DCAF8L2: variants seen among roughly 807,000 people sequenced by gnomAD.
DCAF8L2 encodes DDB1 and CUL4 associated factor 8 like 2.
For missense variants in DCAF8L2, 430 were observed against 490.7 expected (o/e 0.88, Z 1.17); for synonymous variants, 200 against 190.9 (o/e 1.05, Z -0.39).
intron 1 of DCAF8L2, among the ~76,000 whole-genome samples, chrX:27,592,134 G>T (rs903817169): frequency 4.4e-5 from 5 of 112,444 alleles, no homozygotes; most frequent in Non-Finnish European, 7.5e-5. Context: ...AGGAGGAGTA[G>T]CGCCTGCTGC....
At chrX:27,573,177 C>A in the DCAF8L2 span, among the ~76,000 whole-genome samples, 511 of 109,706 alleles carry the variant, frequency 4.7e-3, 5 homozygotes, top group African/African-American at 0.016. Context: ...TGGTTGATAT[C>A]TGTACTCTTT....
At chrX:27,510,456 G>T in the DCAF8L2 span, among the ~76,000 whole-genome samples, 1 of 105,859 alleles carries the variant, frequency 9.4e-6, no homozygotes, top group African/African-American at 3.5e-5. Context: ...AGAATAAAAA[G>T]GAAGGATTTT....
intron 3 of DCAF8L2, among the ~76,000 whole-genome samples, chrX:27,704,781 A>G (rs1931285173): frequency 9.0e-6 from 1 of 111,565 alleles, no homozygotes; most frequent in Non-Finnish European, 1.9e-5. Context: ...AAATATATGC[A>G]ATAAAATAAA....
At chrX:27,706,598 T>C (rs1931354604) in intron 3 of DCAF8L2, among the ~76,000 whole-genome samples, 2 of 111,769 alleles carry the variant, frequency 1.8e-5, no homozygotes, top group African/African-American at 3.3e-5. Context: ...TCACACCCAC[T>C]AGGATGGCTA....
At chrX:27,482,802 TCTTTC>T in the DCAF8L2 span, among the ~76,000 whole-genome samples, 1 of 111,892 alleles carries the variant, frequency 8.9e-6, no homozygotes, top group African/African-American at 3.2e-5. Flanking sequence ...AACTCTTTTC[TCTTTC>T]CTTTATGTCA....
chrX:27,570,366 G>A, the DCAF8L2 span, among the ~76,000 whole-genome samples: 1 of 111,721 alleles, frequency 9.0e-6, no homozygotes, highest in African/African-American at 3.3e-5. Context: ...TCAGTATTGA[G>A]TGAGGAGAGG....
chrX:27,687,688 CA>C (rs1306774839), intron 3 of DCAF8L2, among the ~76,000 whole-genome samples: 5 of 110,818 alleles, frequency 4.5e-5, no homozygotes, highest in Admixed American at 1.9e-4. Flanking sequence ...ATCCCGTCTA[CA>C]AAAAAAGTTT....
At chrX:27,549,152 T>C in the DCAF8L2 span, among the ~76,000 whole-genome samples, 23 of 111,530 alleles carry the variant, frequency 2.1e-4, no homozygotes, top group African/African-American at 7.2e-4. Context: ...TAGTGGCAAT[T>C]GCATGAATTA....
intron 1 of DCAF8L2, among the ~76,000 whole-genome samples, chrX:27,592,231 G>A (rs1443114213): frequency 9.0e-6 from 1 of 111,696 alleles, no homozygotes; most frequent in Non-Finnish European, 1.9e-5. Context: ...TAGTACCTGG[G>A]CCTCAGCTCT....
chrX:27,545,857 T>C, the DCAF8L2 span, among the ~76,000 whole-genome samples: 1 of 111,371 alleles, frequency 9.0e-6, no homozygotes, highest in East Asian at 2.8e-4. Context: ...AAACTACCAT[T>C]TATAAAACCA....
At chrX:27,638,445 C>T (rs761093303) in intron 2 of DCAF8L2, among the ~76,000 whole-genome samples, 22 of 111,751 alleles carry the variant, frequency 2.0e-4, no homozygotes, top group South Asian at 1.5e-3. Flanking sequence ...ACCGACACTT[C>T]CCAATTATTT....
At chrX:27,492,957 T>A in the DCAF8L2 span, among the ~76,000 whole-genome samples, 4 of 112,100 alleles carry the variant, frequency 3.6e-5, no homozygotes, top group African/African-American at 9.7e-5. Context: ...TTAGGCCAGG[T>A]GCAGTGTCTC....
chrX:27,599,299 A>G (rs1010257398), intron 1 of DCAF8L2, among the ~76,000 whole-genome samples: 3 of 111,566 alleles, frequency 2.7e-5, no homozygotes, highest in African/African-American at 9.8e-5. Flanking sequence ...TTCCACCTAT[A>G]TGAGGTATCT....
chrX:27,614,264 T>C (rs1176282227), intron 1 of DCAF8L2, among the ~76,000 whole-genome samples: 1 of 111,380 alleles, frequency 9.0e-6, no homozygotes, highest in East Asian at 2.8e-4. Context: ...TATTTTCTGA[T>C]GGTAGTTTGT....
At chrX:27,642,275 T>C (rs771487875) in intron 2 of DCAF8L2, among the ~76,000 whole-genome samples, 1 of 111,494 alleles carries the variant, frequency 9.0e-6, no homozygotes, top group East Asian at 2.8e-4. Context: ...GACTTTCTTA[T>C]GCAGGACCAC....
At chrX:27,641,752 G>A (rs188803561) in intron 2 of DCAF8L2, among the ~76,000 whole-genome samples, 2,731 of 110,636 alleles carry the variant, frequency 0.025, 43 homozygotes, top group Non-Finnish European at 0.039. Context: ...GACTACAGGC[G>A]TGAGCCACCA....
chrX:27,662,052 G>A (rs1465702143), intron 2 of DCAF8L2, among the ~76,000 whole-genome samples: 3 of 111,183 alleles, frequency 2.7e-5, no homozygotes, highest in Non-Finnish European at 3.8e-5. Context: ...TTCAAATTTC[G>A]GCAATTTCAA....
At chrX:27,567,819 G>C in the DCAF8L2 span, among the ~76,000 whole-genome samples, 1 of 108,434 alleles carries the variant, frequency 9.2e-6, no homozygotes, top group Non-Finnish European at 1.9e-5. Context: ...GACAGACAGG[G>C]AGACAGAACA....
At chrX:27,724,228 A>C (rs1321828358) in intron 4 of DCAF8L2, among the ~76,000 whole-genome samples, 3 of 110,589 alleles carry the variant, frequency 2.7e-5, no homozygotes, top group African/African-American at 9.9e-5. Flanking sequence ...CCTGCTCTCT[A>C]TTTTGAAGAA....
Sources: allele counts gnomAD v4.1 joint callset (sites outside exome capture counted in the v4.1 genomes callset), GRCh38; gene constraint gnomAD v4.1.1; transcripts MANE v1.5; gene names NCBI Gene and HGNC (gene_info 2026-07-23, HGNC 2026-07-21).